SH2D4B: variants seen among roughly 807,000 people sequenced by gnomAD.
The protein encoded by SH2D4B is SH2 domain-containing protein 4B.
SH2D4B carries 45 observed loss-of-function variants against 61.5 expected under a neutral mutation model. That is an observed-to-expected ratio of 0.73 (90% CI 0.58 to 0.94). SH2D4B has a LOEUF of 0.94. Among genes scored for constraint, SH2D4B ranks in the 40% least tolerant of loss-of-function variants. SH2D4B has a pLI of 0.00. For synonymous variants in SH2D4B, 224 were observed against 220.4 expected (o/e 1.02, Z -0.14); for missense variants, 572 against 574.2 (o/e 1.00, Z 0.04).
intron 3 of SH2D4B, among the ~76,000 whole-genome samples, chr10:80,579,986 A>G (rs1358436019): frequency 1.3e-5 from 2 of 152,186 alleles, no homozygotes; most frequent in Non-Finnish European, 2.9e-5. Flanking sequence ...GTCAGCATTT[A>G]TGGAGCACCT....
Position 80,645,783 on chromosome 10 carries a change from T to C in SH2D4B, c.*1698T>C, listed in dbSNP as rs1317852038. On this transcript the variant is annotated 3_prime_UTR_variant, in exon 8 of 8. Transcript: ENST00000646907. ...TTGGGGAATCCAGGATAAGAACCCA[T>C]TATACAGAAGTGTTCAATAATATCA... 1.3e-5 allele frequency: 2 copies of C among 152,172 alleles called. No homozygotes were observed. Among genetic ancestry groups the C allele is most frequent in the African/African-American group, 2.4e-5 (1 of 41,438 alleles). 9.4% of individuals were successfully genotyped at this position (152,172 alleles called of 1,614,324 possible).
rs7097610 is a variant in SH2D4B, at chr10:80,544,406, C to G, written c.184+5891C>G. The stretch of plus-strand genomic sequence containing the variant: ...AGCTGTAACACTCACCGCGAGGGTC[C>G]GTGGCTTTATTCTTGAAGTCAGTGA... On this transcript the variant is annotated intron_variant, in intron 1 of 7. Transcript: ENST00000646907. Among the ~76,000 whole-genome samples the G allele has an allele frequency of 1.1e-4, 17 of 152,254 alleles. No individual in the cohort carries two copies. The East Asian group carries it at 3.1e-3, about 28-fold the overall frequency.
chr10:80,610,481 C>A (rs1489581432), intron 6 of SH2D4B, among the ~76,000 whole-genome samples: 1 of 152,118 alleles, frequency 6.6e-6, no homozygotes, highest in Non-Finnish European at 1.5e-5. Flanking sequence ...GAAGAACAGC[C>A]CTTGCTTCTC....
rs917668216 is a variant in SH2D4B, at chr10:80,643,875, A to G, written c.1210-118A>G. On this transcript the variant is annotated intron_variant, in intron 7 of 7. Transcript: ENST00000646907. ...TTTCCTGTCATTTCTAGAAATCTGA[A>G]TGAGAGGAGACAAATGCATATTCTT... The G allele has an allele frequency of 5.7e-6, 3 of 529,398 alleles. No homozygotes were observed. In the African/African-American group the frequency reaches 5.9e-5, roughly 10 times the overall value. 32.8% of individuals were successfully genotyped at this position (529,398 alleles called of 1,614,324 possible). A position where few individuals can be genotyped will look rare whatever the true frequency, so the allele number is the denominator to read the frequency against.
At chr10:80,579,697 C>CA (rs1554877221) in intron 3 of SH2D4B, among the ~76,000 whole-genome samples, 3 of 151,194 alleles carry the variant, frequency 2.0e-5, no homozygotes, top group Non-Finnish European at 4.4e-5. Flanking sequence ...AGGCCACTCC[C>CA]TTTTTTTTTC....
chr10:80,598,461 G>C (rs74639780), intron 4 of SH2D4B, among the ~76,000 whole-genome samples: 4,837 of 152,180 alleles, frequency 0.032, 347 homozygotes, highest in East Asian at 0.31. Flanking sequence ...AGGCCCTGTG[G>C]TTTTAGTTCC....
At chr10:80,571,808 C>T (rs1188386663) in intron 3 of SH2D4B, among the ~76,000 whole-genome samples, 4 of 140,786 alleles carry the variant, frequency 2.8e-5, no homozygotes, top group African/African-American at 5.3e-5. Flanking sequence ...GAGTCTTGCT[C>T]GTCGCCCAGG....
chr10:80,574,815 C>T (rs1842105812), intron 3 of SH2D4B, among the ~76,000 whole-genome samples: 1 of 152,168 alleles, frequency 6.6e-6, no homozygotes, highest in African/African-American at 2.4e-5. Context: ...ATTCTGCTGC[C>T]TCAGCCTCTC....
At chr10:80,611,039 G>A (rs1842591835) in intron 6 of SH2D4B, among the ~76,000 whole-genome samples, 1 of 152,072 alleles carries the variant, frequency 6.6e-6, no homozygotes, top group East Asian at 1.9e-4. Context: ...GCCAGGTGTG[G>A]TGGCAGGCCC....
chr10:80,542,544 C>T (rs978436515), intron 1 of SH2D4B, among the ~76,000 whole-genome samples: 5 of 151,582 alleles, frequency 3.3e-5, no homozygotes, highest in African/African-American at 1.2e-4. Flanking sequence ...ATTACAGGCG[C>T]CCACCACCAC....
At chr10:80,579,904 C>T (rs560789967) in intron 3 of SH2D4B, among the ~76,000 whole-genome samples, 16 of 152,322 alleles carry the variant, frequency 1.1e-4, no homozygotes, top group African/African-American at 3.8e-4. Flanking sequence ...ATGTGGTGTA[C>T]CCTGTCCCTC....
chr10:80,573,545 A>G (rs1459752347), intron 3 of SH2D4B, among the ~76,000 whole-genome samples: 1 of 152,190 alleles, frequency 6.6e-6, no homozygotes, highest in Non-Finnish European at 1.5e-5. Context: ...ATTTTCTTCC[A>G]AATGGCAGCC....
intron 6 of SH2D4B, among the ~76,000 whole-genome samples, chr10:80,617,210 A>G (rs1397172530): frequency 6.6e-6 from 1 of 152,194 alleles, no homozygotes; most frequent in Non-Finnish European, 1.5e-5. Flanking sequence ...TTTCTAGGCC[A>G]GGTGGTCTCC....
intron 3 of SH2D4B, among the ~76,000 whole-genome samples, chr10:80,586,205 C>T (rs1842244987): frequency 6.6e-6 from 1 of 152,188 alleles, no homozygotes; most frequent in South Asian, 2.1e-4. Flanking sequence ...CGAGCGCCGC[C>T]CCCTGCTCCA....
intron 4 of SH2D4B, among the ~76,000 whole-genome samples, chr10:80,600,671 G>T (rs990284167): frequency 1.3e-5 from 2 of 152,156 alleles, no homozygotes; most frequent in African/African-American, 4.8e-5. Flanking sequence ...GCCACTGAAG[G>T]CTTTTGAGGA....
intron 7 of SH2D4B, among the ~76,000 whole-genome samples, chr10:80,640,433 C>T (rs774267100): frequency 2.3e-4 from 35 of 152,166 alleles, no homozygotes; most frequent in African/African-American, 7.5e-4. Context: ...ACCAATCAGA[C>T]GTAGATTTGG....
At chr10:80,590,837 CAA>C (rs1842316441) in intron 4 of SH2D4B, among the ~76,000 whole-genome samples, 1 of 151,868 alleles carries the variant, frequency 6.6e-6, no homozygotes, top group African/African-American at 2.4e-5. Context: ...TCTGTCACTT[CAA>C]AAAGAAACTC....
At chr10:80,568,577 G>A (rs772150011) in intron 1 of SH2D4B, among the ~76,000 whole-genome samples, 1 of 152,178 alleles carries the variant, frequency 6.6e-6, no homozygotes, top group African/African-American at 2.4e-5. Flanking sequence ...ACTTCACAGA[G>A]CCTGACCTGC....
chr10:80,602,768 C>G (rs574717430), intron 4 of SH2D4B, among the ~76,000 whole-genome samples: 1 of 152,310 alleles, frequency 6.6e-6, no homozygotes, highest in Admixed American at 6.5e-5. Flanking sequence ...ACATGAATAA[C>G]ATGAGGAGGT....
Sources: gnomAD v4.1 joint callset for allele counts (sites outside exome capture counted in the v4.1 genomes callset) on GRCh38, gnomAD v4.1.1 for gene constraint, MANE v1.5 for transcripts, NCBI Gene and HGNC (gene_info 2026-07-23, HGNC 2026-07-21) for gene names.